Variants in HS6ST3 observed in about 807,000 individuals in gnomAD.
The protein encoded by HS6ST3 is heparan sulfate 6-O-sulfotransferase 3, also known as heparan-sulfate 6-O-sulfotransferase 3.
HS6ST3 carries 12 observed loss-of-function variants against 36.7 expected under a neutral mutation model. The observed-to-expected ratio is 0.33, with a 90% CI of 0.21 to 0.53. The LOEUF (loss-of-function observed/expected upper bound fraction) is 0.53. HS6ST3 is among the 20% of genes least tolerant of loss of function. The pLI, the probability that HS6ST3 is intolerant of heterozygous loss-of-function variation, is 0.95. For synonymous variants in HS6ST3, 240 were observed against 257.5 expected (o/e 0.93, Z 0.65); for missense variants, 584 against 640.9 (o/e 0.91, Z 0.96).
At chr13:96,478,344 T>C (rs1425521752) in intron 1 of HS6ST3, among the ~76,000 whole-genome samples, 1 of 152,106 alleles carries the variant, frequency 6.6e-6, no homozygotes, top group Non-Finnish European at 1.5e-5. Flanking sequence ...GAAGAGAACA[T>C]GGAGAAGGCA....
intron 1 of HS6ST3, among the ~76,000 whole-genome samples, chr13:96,541,911 T>G (rs2056179287): frequency 6.6e-6 from 1 of 152,244 alleles, no homozygotes; most frequent in Non-Finnish European, 1.5e-5. Flanking sequence ...TACCAGTTGC[T>G]TTTCTTATGT....
intron 1 of HS6ST3, among the ~76,000 whole-genome samples, chr13:96,534,142 G>C (rs536722817): frequency 6.6e-6 from 1 of 152,196 alleles, no homozygotes; most frequent in Non-Finnish European, 1.5e-5. Flanking sequence ...TCGGTGAGCT[G>C]TTTGAGGGCA....
intron 1 of HS6ST3, among the ~76,000 whole-genome samples, chr13:96,728,089 C>T (rs996526051): frequency 3.9e-5 from 6 of 152,210 alleles, no homozygotes; most frequent in Non-Finnish European, 5.9e-5. Flanking sequence ...TGCCCACCTA[C>T]CCCACTGCTT....
Position 96,106,764 on chromosome 13 carries a change from C to T in HS6ST3, c.707+15195C>T, listed in dbSNP as rs2053843581. On this transcript the variant is annotated intron_variant, in intron 1 of 1. Coordinates refer to ENST00000376705, the MANE Select transcript of HS6ST3 (RefSeq NM_153456.4). Reference sequence around the variant, plus strand: ...TTGCATCTCTTTTCTCTATGAAGTACAAAGCAAGGTCATTAGCTGAGAGTC... The same window carrying T: ...TTGCATCTCTTTTCTCTATGAAGTATAAAGCAAGGTCATTAGCTGAGAGTC... 1.3e-5 allele frequency among the ~76,000 whole-genome samples: 2 copies of T among 152,074 alleles called. 1 individual carries two copies. The highest frequency in any genetic ancestry group is 4.1e-4 in the South Asian group (2 of 4,822).
At chr13:96,626,645 A>T (rs1473409457) in intron 1 of HS6ST3, among the ~76,000 whole-genome samples, 2 of 152,110 alleles carry the variant, frequency 1.3e-5, no homozygotes, top group African/African-American at 4.8e-5. Flanking sequence ...CTGTAGAAAA[A>T]TTTGGGATGA....
intron 1 of HS6ST3, among the ~76,000 whole-genome samples, chr13:96,532,696 C>T (rs1013012747): frequency 7.9e-5 from 12 of 152,084 alleles, no homozygotes; most frequent in African/African-American, 2.9e-4. Flanking sequence ...ACCTGGTTGT[C>T]TACCTAAATC....
chr13:96,697,135 C>T (rs1445723444), intron 1 of HS6ST3, among the ~76,000 whole-genome samples: 1 of 150,742 alleles, frequency 6.6e-6, no homozygotes, highest in Non-Finnish European at 1.5e-5. Context: ...AAAAAAGTAC[C>T]CATGGAGATT....
chr13:96,828,908 GAAT>G (rs1878707655), intron 1 of HS6ST3, among the ~76,000 whole-genome samples: 1 of 152,176 alleles, frequency 6.6e-6, no homozygotes, highest in Non-Finnish European at 1.5e-5. Flanking sequence ...AGTCTTGAAT[GAAT>G]AAAGTATCTC....
intron 1 of HS6ST3, among the ~76,000 whole-genome samples, chr13:96,644,932 T>G (rs550358257): frequency 6.6e-6 from 1 of 152,110 alleles, no homozygotes; most frequent in East Asian, 1.9e-4. Context: ...GAAAATTTTT[T>G]CTTAGGTGGG....
At chr13:96,830,490 A>G (rs1486773141) in intron 1 of HS6ST3, among the ~76,000 whole-genome samples, 2 of 152,208 alleles carry the variant, frequency 1.3e-5, no homozygotes, top group East Asian at 1.9e-4. Context: ...CTGTCTATCT[A>G]TCTTATATAT....
At chr13:96,772,093 A>G (rs1405792584) in intron 1 of HS6ST3, among the ~76,000 whole-genome samples, 1 of 152,272 alleles carries the variant, frequency 6.6e-6, no homozygotes, top group Non-Finnish European at 1.5e-5. Flanking sequence ...CCAGGGTTTT[A>G]TATGGGAAAT....
At chr13:96,343,504 A>G (rs182623549) in intron 1 of HS6ST3, among the ~76,000 whole-genome samples, 3 of 152,308 alleles carry the variant, frequency 2.0e-5, no homozygotes, top group East Asian at 1.9e-4. Context: ...GGTCCACCTG[A>G]TAATCCAGAC....
chr13:96,496,451 G>A (rs2055976212), intron 1 of HS6ST3, among the ~76,000 whole-genome samples: 1 of 152,082 alleles, frequency 6.6e-6, no homozygotes, highest in African/African-American at 2.4e-5. Flanking sequence ...ACTAGAATGT[G>A]GCAAAAGTGA....
chr13:96,278,177 A>C (rs978562560), intron 1 of HS6ST3, among the ~76,000 whole-genome samples: 1 of 152,210 alleles, frequency 6.6e-6, no homozygotes, highest in Non-Finnish European at 1.5e-5. Context: ...TCTGAAATTC[A>C]AGACCTATGA....
chr13:96,331,211 C>T lies in HS6ST3; in HGVS notation c.707+239642C>T, dbSNP rs541027692. ...AGTCATTCTCCCTCCAGCTTTGTTC[C>T]GTTGCTGGTGAGGAACTGCGTTCCT... is the stretch of plus-strand genomic sequence containing the variant. On this transcript the variant is annotated intron_variant, in intron 1 of 1. Transcript: ENST00000376705. 8.5e-5 allele frequency among the ~76,000 whole-genome samples: 13 copies of T among 152,290 alleles called. 1 individual carries two copies. The highest frequency in any genetic ancestry group is 5.8e-4 in the East Asian group (3 of 5,180).
chr13:96,583,358 TG>T (rs1289407561), intron 1 of HS6ST3, among the ~76,000 whole-genome samples: 1 of 151,606 alleles, frequency 6.6e-6, no homozygotes, highest in Non-Finnish European at 1.5e-5. Context: ...AGATTACGGG[TG>T]CGTGCCACCA....
chr13:96,500,360 TC>T (rs1257758091), intron 1 of HS6ST3, among the ~76,000 whole-genome samples: 1 of 152,238 alleles, frequency 6.6e-6, no homozygotes, highest in African/African-American at 2.4e-5. Flanking sequence ...GTTTCTACCT[TC>T]TGGCTGTTAT....
chr13:96,644,930 T>A (rs2056583351), intron 1 of HS6ST3, among the ~76,000 whole-genome samples: 1 of 152,010 alleles, frequency 6.6e-6, no homozygotes, highest in Non-Finnish European at 1.5e-5. Flanking sequence ...AAGAAAATTT[T>A]TTCTTAGGTG....
chr13:96,373,312 C>T (rs1375450312), intron 1 of HS6ST3, among the ~76,000 whole-genome samples: 1 of 152,184 alleles, frequency 6.6e-6, no homozygotes. Context: ...CACCATTCAA[C>T]TTACTAAAGG....
Sources: allele counts gnomAD v4.1 joint callset (sites outside exome capture counted in the v4.1 genomes callset), GRCh38; gene constraint gnomAD v4.1.1; transcripts MANE v1.5; gene names NCBI Gene and HGNC (gene_info 2026-07-23, HGNC 2026-07-21).